Variants in RLBP1 observed in about 807,000 individuals in gnomAD.
RLBP1 encodes the protein retinaldehyde binding protein 1, also known as retinaldehyde-binding protein 1.
A neutral mutation model predicts 36.2 loss-of-function variants in RLBP1; 26 were observed. The observed-to-expected ratio is 0.72, with a 90% confidence interval of 0.53 to 1.00. The LOEUF is 1.00. Ranked by LOEUF, RLBP1 falls within the 50% of genes least tolerant of loss-of-function variation. RLBP1 has a pLI of 0.00. For synonymous variants in RLBP1, 155 were observed against 156.2 expected (o/e 0.99, Z 0.06); for missense variants, 410 against 402.4 (o/e 1.02, Z -0.16).
rs1232473932 is a variant in RLBP1, at chr15:89,210,623, A to G, written c.795+76T>C. The G allele has an allele frequency of 2.0e-5, 25 of 1,272,398 alleles. No homozygotes were observed. In the East Asian group the frequency reaches 5.2e-4, roughly 27 times the overall value. The allele number at this position is 1,272,398 out of a possible 1,614,324, so 78.8% of individuals were successfully genotyped here. A position where few individuals can be genotyped will look rare whatever the true frequency, so the allele number is the denominator to read the frequency against. On this transcript the variant is annotated intron_variant, in intron 8 of 8. Transcript: ENST00000268125. This position sits in a 1 kb window ranked among gnomAD's most constrained non-coding sequence, Gnocchi z 4.7. ...GATCCACATAGCTCAGGACCATGGT[A>G]GAGTGTGAGGAGGGCTCAGGTGAGG...
At chr15:89,217,412 G>T in intron 4 of RLBP1, 88 bp from the exon 5 acceptor site, 1 of 1,387,082 alleles carries the variant, frequency 7.2e-7, no homozygotes, top group South Asian at 1.2e-5. Flanking sequence ...GCCAGAGCTA[G>T]ACCAGCCAAG....
rs2051600392 is a variant in RLBP1, at chr15:89,218,504, G to A, written c.141+61C>T. ...CCCTTTTCACAGGAGAGAGAATGCA[G>A]TCATGTTCCCCTCATGTTGCCTCCC... On this transcript the variant is annotated intron_variant, in intron 4 of 8. Transcript: ENST00000268125. The surrounding 1 kb of genome is among the most constrained non-coding windows in gnomAD (Gnocchi z 4.6). 6.2e-7 allele frequency: 1 copy of A among 1,610,830 alleles called. No individual in the cohort carries two copies. The highest frequency in any genetic ancestry group is 1.7e-5 in the Admixed American group (1 of 60,010).
rs2150968490 is a variant in RLBP1 at position 89,210,362 on chromosome 15, GCGTGCCC to G, written c.870_876del (p.Gly291CysfsTer36). The G allele has an allele frequency of 6.2e-7, 1 of 1,614,228 alleles. No individual in the cohort carries two copies. Among genetic ancestry groups the G allele is most frequent in the Non-Finnish European group, 8.5e-7 (1 of 1,180,030 alleles). ...ACGGCCTTGCCATCATACTTGGGCA[GCGTGCCC>G]CCGAAGTCAGAGGGCAGGATGTTCT... On this transcript the variant is annotated frameshift_variant, in exon 9 of 9. Coordinates refer to ENST00000268125, the MANE Select transcript of RLBP1 (RefSeq NM_000326.5). LOFTEE classifies it high-confidence loss of function. The surrounding 1 kb of genome is among the most constrained non-coding windows in gnomAD (Gnocchi z 4.7).
Position 89,211,752 on chromosome 15 carries a change from G to A in RLBP1, c.675C>T (p.Asp225=). 6.2e-7 allele frequency: 1 copy of A among 1,613,936 alleles called. No individual in the cohort carries two copies. The highest frequency in any genetic ancestry group is 8.5e-7 in the Non-Finnish European group (1 of 1,180,026). Residue 225 remains aspartate (D), a synonymous_variant, in exon 7 of 9, where the codon GAC becomes GAT. Transcript: ENST00000268125. The surrounding 1 kb of genome is among the most constrained non-coding windows in gnomAD (Gnocchi z 5.8). ...LRTSDLRKMV[D]MLQDSFPARF... ...GAACTCTAAGCCTCACCTGGAGCAT[G>A]TCCACCATCTTCCTGAGATCTGAAG...
chr15:89,215,196 C>A lies in RLBP1; in HGVS notation c.389G>T (p.Ser130Ile). 6.2e-7 allele frequency: 1 copy of A among 1,614,198 alleles called. No individual in the cohort carries two copies. The highest frequency in any genetic ancestry group is 8.5e-7 in the Non-Finnish European group (1 of 1,180,032). The part of the protein sequence containing the change: ...FRLQYPELFD[S>I]LSPEAVRCTI... ...GCAGCGGACAGCCTCTGGGGACAGG[C>A]TGTCAAAGAGCTCAGGGTACTGCAG... The change falls in exon 6 of 9, where the codon AGC (serine) becomes ATC (isoleucine). Residue 130 changes from serine to isoleucine, a missense_variant. By Grantham distance (142) the Ser-to-Ile change is moderately radical (BLOSUM62 -2). Coordinates refer to ENST00000268125, the MANE Select transcript of RLBP1 (RefSeq NM_000326.5).
At chr15:89,217,367 G>T in intron 4 of RLBP1, 43 bp from the exon 5 acceptor site, 8 of 1,582,888 alleles carry the variant, frequency 5.1e-6, no homozygotes, top group Non-Finnish European at 6.9e-6. Context: ...CTTAGGTGCG[G>T]GTGAGGGGCA....
At position 89,214,436 on chromosome 15, in the gene RLBP1, G is replaced by A. The variant is rs564602412; in HGVS notation, c.525+624C>T. Among the ~76,000 whole-genome samples, 4 of 152,292 alleles carry A rather than the reference G, an allele frequency of 2.6e-5. No homozygotes were observed. In the East Asian group the frequency reaches 7.7e-4, roughly 29 times the overall value. ...AGATCATGCCACTGCACTCCAGCCT[G>A]GGTGACCAGAGCGAGACTCCATCTC... On this transcript the variant is annotated intron_variant, in intron 6 of 8. Transcript: ENST00000268125. This position sits in a 1 kb window ranked among gnomAD's most constrained non-coding sequence, Gnocchi z 4.6.
Position 89,211,596 on chromosome 15 carries a change from T to A in RLBP1, c.684+147A>T. The A allele has an allele frequency of 1.4e-6, 1 of 726,666 alleles. No homozygotes were observed. The highest frequency in any genetic ancestry group is 2.6e-5 in the East Asian group (1 of 38,474). The allele number at this position is 726,666 out of a possible 1,614,324, so 45.0% of individuals were successfully genotyped here. On this transcript the variant is annotated intron_variant, in intron 7 of 8. Coordinates refer to ENST00000268125, the MANE Select transcript of RLBP1 (RefSeq NM_000326.5). The surrounding 1 kb of genome is among the most constrained non-coding windows in gnomAD (Gnocchi z 5.8). ...AAACTGTCAATCACTATGCAGGTGCTTATGGTTGGGACTGTGGCTGTCACT... is the reference window on the plus strand; with the variant it reads ...AAACTGTCAATCACTATGCAGGTGCATATGGTTGGGACTGTGGCTGTCACT...
Position 89,218,832 on chromosome 15 carries a change from C to T in RLBP1, c.12+132G>A, listed in dbSNP as rs1408185470. On this transcript the variant is annotated intron_variant, in intron 3 of 8. Coordinates refer to ENST00000268125, the MANE Select transcript of RLBP1 (RefSeq NM_000326.5). This position sits in a 1 kb window ranked among gnomAD's most constrained non-coding sequence, Gnocchi z 4.6. ...TCCTTTTGTGGGGTCAGGACCCACA[C>T]AGGGGTTATAGAAGTGTGTGCCTAT... 1.3e-6 allele frequency: 2 copies of T among 1,507,982 alleles called. No individual in the cohort carries two copies. Among genetic ancestry groups the T allele is most frequent in the East Asian group, 2.3e-5 (1 of 43,906 alleles). 93.4% of individuals were successfully genotyped at this position (1,507,982 alleles called of 1,614,324 possible). A position where few individuals can be genotyped will look rare whatever the true frequency, so the allele number is the denominator to read the frequency against.
rs1295336946 is a variant in RLBP1 at position 89,218,707 on chromosome 15, G to A, written c.13-14C>T. On this transcript the variant is annotated splice_polypyrimidine_tract_variant and intron_variant, in intron 3 of 8. Coordinates refer to ENST00000268125, the MANE Select transcript of RLBP1 (RefSeq NM_000326.5). This position sits in a 1 kb window ranked among gnomAD's most constrained non-coding sequence, Gnocchi z 4.6. ...GAACGTGCCCACCTGGGCAGAGAAA[G>A]GAAAAAGAGGAACAGCCAACCGCAT... The A allele has an allele frequency of 6.2e-7, 1 of 1,613,622 alleles. No individual in the cohort carries two copies. Among genetic ancestry groups the A allele is most frequent in the Admixed American group, 1.7e-5 (1 of 60,030 alleles).
Position 89,210,783 on chromosome 15 carries a change from G to A in RLBP1, c.711C>T (p.Ala237=), listed in dbSNP as rs1405066630. 6.3e-7 allele frequency: 1 copy of A among 1,596,258 alleles called. No homozygotes were observed. Among genetic ancestry groups the A allele is most frequent in the Non-Finnish European group, 8.5e-7 (1 of 1,170,012 alleles). ...LQDSFPARFK[A]IHFIHQPWYF... The stretch of plus-strand genomic sequence containing the variant: ...ACCATGGCTGGTGGATGAAGTGGAT[G>A]GCTTTGAACCGGGCTGGGAAGGAAT... The change falls in exon 8 of 9, where the codon GCC becomes GCT. Residue 237 remains alanine, a synonymous_variant. Transcript: ENST00000268125. The surrounding 1 kb of genome is among the most constrained non-coding windows in gnomAD (Gnocchi z 4.7).
chr15:89,218,491 G>A lies in RLBP1; in HGVS notation c.141+74C>T, dbSNP rs966528266. 5 of 1,604,330 alleles carry A rather than the reference G, an allele frequency of 3.1e-6. No homozygotes were observed. In the African/African-American group the frequency reaches 6.7e-5, roughly 21 times the overall value. On this transcript the variant is annotated intron_variant, in intron 4 of 8. Transcript: ENST00000268125. The surrounding 1 kb of genome is among the most constrained non-coding windows in gnomAD (Gnocchi z 4.6). ...TGCCGAGGCTGGACCCTTTTCACAGGAGAGAGAATGCAGTCATGTTCCCCT... is the reference window on the plus strand; with the variant it reads ...TGCCGAGGCTGGACCCTTTTCACAGAAGAGAGAATGCAGTCATGTTCCCCT...
rs2051539654 is a variant in RLBP1 at position 89,211,725 on chromosome 15, C to T, written c.684+18G>A. On this transcript the variant is annotated intron_variant, in intron 7 of 8. Coordinates refer to ENST00000268125, the MANE Select transcript of RLBP1 (RefSeq NM_000326.5). The surrounding 1 kb of genome is among the most constrained non-coding windows in gnomAD (Gnocchi z 5.8). ...CCAGCTGTGGGAGGCTGCCGTGCGA[C>T]AGAACTCTAAGCCTCACCTGGAGCA... 1 of 1,612,876 alleles carries T rather than the reference C, an allele frequency of 6.2e-7. No individual in the cohort carries two copies. Among genetic ancestry groups the T allele is most frequent in the Non-Finnish European group, 8.5e-7 (1 of 1,179,890 alleles).
chr15:89,219,096 A>T, intron 2 of RLBP1, 21 bp from the exon 3 acceptor site: 1 of 1,115,932 alleles, frequency 9.0e-7, no homozygotes, highest in Non-Finnish European at 1.4e-6. Context: ...TAGAAAAACC[A>T]TTCTGTTATT....
chr15:89,217,389 T>A, intron 4 of RLBP1, 65 bp from the exon 5 acceptor site: 1 of 1,503,580 alleles, frequency 6.7e-7, no homozygotes, highest in Non-Finnish European at 9.2e-7. Context: ...GACACACAGG[T>A]GATGAGTCTC....
chr15:89,221,240 C>T (rs1037707676), intron 1 of RLBP1, among the ~76,000 whole-genome samples: 2 of 152,142 alleles, frequency 1.3e-5, no homozygotes, highest in Non-Finnish European at 2.9e-5. Flanking sequence ...AACTCCTGAC[C>T]TCAGGTGATC....
At position 89,210,154 on chromosome 15, in the gene RLBP1, G is replaced by T; in HGVS notation, c.*131C>A. The T allele has an allele frequency of 2.0e-6, 2 of 1,010,992 alleles. No individual in the cohort carries two copies. The highest frequency in any genetic ancestry group is 3.1e-6 in the Non-Finnish European group (2 of 648,674). The allele number at this position is 1,010,992 out of a possible 1,614,324, so 62.6% of individuals were successfully genotyped here. On this transcript the variant is annotated 3_prime_UTR_variant, in exon 9 of 9. Transcript: ENST00000268125. This position sits in a 1 kb window ranked among gnomAD's most constrained non-coding sequence, Gnocchi z 4.7. ...AACTTGAGAACAGGGTGACACCTGA[G>T]CTCACTCGGGCTTAGGGAGTCTAAG... is the stretch of plus-strand genomic sequence containing the variant.
intron 5 of RLBP1, among the ~76,000 whole-genome samples, chr15:89,216,550 G>C (rs550782732): frequency 2.6e-5 from 4 of 152,284 alleles, no homozygotes; most frequent in Non-Finnish European, 5.9e-5. Flanking sequence ...TCAAACCCCC[G>C]ACTTCAGATG....
At chr15:89,213,937 A>G (rs1008663511) in intron 6 of RLBP1, among the ~76,000 whole-genome samples, 1 of 152,234 alleles carries the variant, frequency 6.6e-6, no homozygotes, top group Non-Finnish European at 1.5e-5. Flanking sequence ...GCAGATCACT[A>G]AGGACAAAAC....
Sources: allele counts gnomAD v4.1 joint callset (sites outside exome capture counted in the v4.1 genomes callset), GRCh38; gene constraint gnomAD v4.1.1; non-coding constraint Gnocchi (gnomAD v3.1); transcripts MANE v1.5; gene names NCBI Gene and HGNC (gene_info 2026-07-23, HGNC 2026-07-21).